The following SLC24A2 variants were observed in gnomAD, a reference collection of about 807,000 sequenced individuals.
SLC24A2 encodes the protein solute carrier family 24 member 2, also known as sodium/potassium/calcium exchanger 2.
A neutral mutation model predicts 62.0 loss-of-function variants in SLC24A2; 36 were observed. The observed-to-expected ratio is 0.58, with a 90% CI of 0.44 to 0.77. The LOEUF is 0.77. Ranked by LOEUF, SLC24A2 falls within the 30% of genes least tolerant of loss-of-function variation. The pLI is 0.00. For synonymous variants in SLC24A2, 358 were observed against 294.0 expected (o/e 1.22, Z -2.23); for missense variants, 846 against 817.9 (o/e 1.03, Z -0.42).
At chr9:19,999,944 T>A in the SLC24A2 span, among the ~76,000 whole-genome samples, 1 of 152,044 alleles carries the variant, frequency 6.6e-6, no homozygotes, top group East Asian at 1.9e-4. Context: ...CAGTTCAGGG[T>A]CTTAATGGCC....
At chr9:19,596,453 G>C (rs543263652) in intron 5 of SLC24A2, among the ~76,000 whole-genome samples, 23 of 152,270 alleles carry the variant, frequency 1.5e-4, no homozygotes, top group African/African-American at 5.5e-4. Context: ...AAGGCAATAG[G>C]ACAGCTCCCT....
chr9:20,068,710 A>G, the SLC24A2 span, among the ~76,000 whole-genome samples: 7 of 152,064 alleles, frequency 4.6e-5, no homozygotes, highest in Admixed American at 4.6e-4. Context: ...TCATGACCCT[A>G]AAATATAGGG....
the SLC24A2 span, among the ~76,000 whole-genome samples, chr9:20,081,553 A>G: frequency 6.6e-6 from 1 of 151,918 alleles, no homozygotes; most frequent in East Asian, 1.9e-4. Context: ...TGGGTGCAGC[A>G]CACCAGCATG....
the SLC24A2 span, among the ~76,000 whole-genome samples, chr9:20,248,129 G>C: frequency 5.1e-4 from 77 of 152,170 alleles, no homozygotes; most frequent in African/African-American, 1.8e-3. Context: ...CTGAGATACA[G>C]TTTCTGATTC....
In SLC24A2 at chr9:19,536,028, T is replaced by C. The variant is rs554489679; in HGVS notation, c.1480-7890A>G. Among the ~76,000 whole-genome samples, 254 of 152,214 alleles carry C rather than the reference T, an allele frequency of 1.7e-3. 1 individual carries two copies. The highest frequency in any genetic ancestry group is 3.1e-3 in the Non-Finnish European group (213 of 68,006). ...CTCTCTTATTTCCTTGAGCAGTGGT[T>C]TGCAGTTCTCCTTGAAGAGGTCCTT... On this transcript the variant is annotated intron_variant, in intron 8 of 10. Coordinates refer to ENST00000341998, the MANE Select transcript of SLC24A2 (RefSeq NM_020344.4).
the SLC24A2 span, among the ~76,000 whole-genome samples, chr9:20,186,518 A>C: frequency 6.6e-6 from 1 of 152,190 alleles, no homozygotes; most frequent in Non-Finnish European, 1.5e-5. Context: ...CATTGAACTC[A>C]TCCTTTGCCA....
rs1356204389 is a variant in SLC24A2, at chr9:19,785,933, C to T, written c.930+4G>A. ...GCATTAAATAAAAATCCACCACCAC[C>T]AACCTTTGCTTGGGCTTCTGGTGCT... On this transcript the variant is annotated splice_donor_region_variant and intron_variant, in intron 2 of 10. Transcript: ENST00000341998. 1.2e-6 allele frequency: 2 copies of T among 1,614,062 alleles called. No individual in the cohort carries two copies. The highest frequency in any genetic ancestry group is 1.7e-6 in the Non-Finnish European group (2 of 1,180,020).
At chr9:19,577,249 A>G (rs1336997977) in intron 5 of SLC24A2, among the ~76,000 whole-genome samples, 1 of 152,088 alleles carries the variant, frequency 6.6e-6, no homozygotes, top group Non-Finnish European at 1.5e-5. Context: ...CCAGTTGCTC[A>G]CAAAATTAAC....
At chr9:20,120,676 A>G in the SLC24A2 span, among the ~76,000 whole-genome samples, 1 of 152,116 alleles carries the variant, frequency 6.6e-6, no homozygotes, top group Non-Finnish European at 1.5e-5. Flanking sequence ...ACAAATCTGC[A>G]TATCTACCCT....
chr9:19,968,687 G>C, the SLC24A2 span, among the ~76,000 whole-genome samples: 5 of 152,170 alleles, frequency 3.3e-5, no homozygotes, highest in Non-Finnish European at 4.4e-5. Context: ...ACAGCCAGCT[G>C]TGACTAGCTG....
At chr9:19,647,345 T>C (rs1468498400) in intron 2 of SLC24A2, among the ~76,000 whole-genome samples, 3 of 152,176 alleles carry the variant, frequency 2.0e-5, no homozygotes, top group Non-Finnish European at 4.4e-5. Context: ...TGGTCTGTAT[T>C]AGGGTTTCCT....
At chr9:19,996,745 C>CAAAA in the SLC24A2 span, among the ~76,000 whole-genome samples, 7 of 66,672 alleles carry the variant, frequency 1.0e-4, no homozygotes, top group African/African-American at 1.8e-4. Context: ...GACTCCGTCT[C>CAAAA]AAAAAAAAAA....
the SLC24A2 span, among the ~76,000 whole-genome samples, chr9:20,153,252 G>T: frequency 1.3e-5 from 2 of 151,874 alleles, no homozygotes; most frequent in Non-Finnish European, 2.9e-5. Flanking sequence ...GACTGTAGGA[G>T]AAACTGAATC....
At chr9:19,766,161 C>T (rs377383367) in intron 2 of SLC24A2, among the ~76,000 whole-genome samples, 1 of 152,148 alleles carries the variant, frequency 6.6e-6, no homozygotes. Context: ...CATTTATGTT[C>T]TTCTCTAAAG....
At chr9:19,810,034 G>C in the SLC24A2 span, among the ~76,000 whole-genome samples, 1 of 152,150 alleles carries the variant, frequency 6.6e-6, no homozygotes, top group African/African-American at 2.4e-5. Context: ...TTCAGTTTGG[G>C]AAACTCCGAT....
chr9:20,172,536 A>T, the SLC24A2 span, among the ~76,000 whole-genome samples: 1 of 152,080 alleles, frequency 6.6e-6, no homozygotes, highest in Admixed American at 6.6e-5. Flanking sequence ...GACACCACAG[A>T]AATACAAAAG....
At chr9:20,098,937 A>C in the SLC24A2 span, among the ~76,000 whole-genome samples, 2 of 152,192 alleles carry the variant, frequency 1.3e-5, no homozygotes, top group Non-Finnish European at 2.9e-5. Context: ...CTCCTTTCAA[A>C]GTATTGATTT....
chr9:20,093,666 C>T, the SLC24A2 span, among the ~76,000 whole-genome samples: 7 of 152,084 alleles, frequency 4.6e-5, no homozygotes, highest in African/African-American at 9.6e-5. Context: ...TGGATGCTTA[C>T]GGAACAATGG....
intron 5 of SLC24A2, among the ~76,000 whole-genome samples, chr9:19,592,413 A>G (rs1836579356): frequency 6.6e-6 from 1 of 152,174 alleles, no homozygotes; most frequent in African/African-American, 2.4e-5. Context: ...TTAGGACAAT[A>G]CAATGGAGAC....
Sources: gnomAD v4.1 joint callset for allele counts (sites outside exome capture counted in the v4.1 genomes callset) on GRCh38, gnomAD v4.1.1 for gene constraint, MANE v1.5 for transcripts, NCBI Gene and HGNC (gene_info 2026-07-23, HGNC 2026-07-21) for gene names.